The following FAM53A variants were observed in gnomAD, a reference collection of about 807,000 sequenced individuals.
FAM53A encodes the protein protein FAM53A.
FAM53A carries 28 observed loss-of-function variants against 26.6 expected under a neutral mutation model. The observed-to-expected ratio is 1.05, with a 90% CI of 0.78 to 1.45. The LOEUF (loss-of-function observed/expected upper bound fraction) is 1.45. FAM53A is among the 40% of genes most tolerant of loss of function. FAM53A has a pLI of 0.00. For synonymous variants in FAM53A, 290 were observed against 253.1 expected (o/e 1.15, Z -1.38); for missense variants, 650 against 575.8 (o/e 1.13, Z -1.32).
intron 1 of FAM53A, among the ~76,000 whole-genome samples, chr4:1,670,819 GAT>G (rs563706665): frequency 8.0e-4 from 122 of 152,280 alleles, no homozygotes; most frequent in African/African-American, 2.8e-3. Flanking sequence ...CACGCTGGTC[GAT>G]GTCAGCTGGG....
chr4:1,648,700 G>A (rs1395870138), intron 4 of FAM53A, among the ~76,000 whole-genome samples: 1 of 152,212 alleles, frequency 6.6e-6, no homozygotes, highest in Non-Finnish European at 1.5e-5. Context: ...GTATTACCTG[G>A]CCCCCACATG....
intron 4 of FAM53A, among the ~76,000 whole-genome samples, chr4:1,649,579 G>C (rs548097339): frequency 2.0e-4 from 31 of 152,366 alleles, no homozygotes; most frequent in African/African-American, 7.0e-4. Context: ...ATGCCCACTG[G>C]GGTCACTCAT....
chr4:1,623,162 C>T (rs1715124074), intron 1 of FAM53A, among the ~76,000 whole-genome samples: 1 of 152,192 alleles, frequency 6.6e-6, no homozygotes, highest in Non-Finnish European at 1.5e-5. Context: ...TCCAGCAGTC[C>T]ACGGCCAGGG....
At chr4:1,643,820 G>T (rs555660577) in intron 4 of FAM53A, among the ~76,000 whole-genome samples, 1 of 152,200 alleles carries the variant, frequency 6.6e-6, no homozygotes, top group African/African-American at 2.4e-5. Context: ...TCCCGCCTCA[G>T]CCTCCCAAAG....
the FAM53A span, among the ~76,000 whole-genome samples, chr4:1,611,315 G>T: frequency 6.6e-6 from 1 of 152,148 alleles, no homozygotes; most frequent in East Asian, 1.9e-4. Flanking sequence ...CTGGAGGGGG[G>T]CCCCCGCCAC....
the FAM53A span, among the ~76,000 whole-genome samples, chr4:1,581,888 C>A: frequency 2.6e-5 from 4 of 151,044 alleles, no homozygotes; most frequent in South Asian, 6.5e-4. Context: ...AGCCACCATG[C>A]CCAGCATTTT....
chr4:1,616,902 C>T (rs1405457969), downstream of FAM53A, among the ~76,000 whole-genome samples: 1 of 152,154 alleles, frequency 6.6e-6, no homozygotes, highest in Non-Finnish European at 1.5e-5. Context: ...TCTGGGAGGC[C>T]GAAGCAGGTG....
In FAM53A at chr4:1,679,586, T is replaced by A. The variant is rs569274055; in HGVS notation, c.-165+4647A>T. Among the ~76,000 whole-genome samples, 6 of 146,416 alleles carry A rather than the reference T, an allele frequency of 4.1e-5. No homozygotes were observed. The East Asian group carries it at 1.2e-3, about 29-fold the overall frequency. On this transcript the variant is annotated intron_variant, in intron 1 of 4. Transcript: ENST00000308132. The stretch of plus-strand genomic sequence containing the variant: ...CTGTAATCCCAGCTACTCGGGAGGC[T>A]GAGGCAGGAGAATCCCTTGAACCCA...
At chr4:1,618,231 C>T (rs1276829742) in intron 1 of FAM53A, 9 of 442,606 alleles carry the variant, frequency 2.0e-5, no homozygotes, top group Admixed American at 9.6e-5. Flanking sequence ...AGGCCCATCA[C>T]GGCAGGGGTG....
chr4:1,675,537 C>T (rs1292002092), intron 1 of FAM53A, among the ~76,000 whole-genome samples: 1 of 152,188 alleles, frequency 6.6e-6, no homozygotes, highest in East Asian at 1.9e-4. Context: ...CTTGTAACTG[C>T]ACCGTAAATC....
the FAM53A span, among the ~76,000 whole-genome samples, chr4:1,611,609 G>A: frequency 4.6e-5 from 7 of 152,358 alleles, no homozygotes; most frequent in East Asian, 7.7e-4. Flanking sequence ...AGGCCTGGGC[G>A]GGCAGCACCG....
chr4:1,606,957 C>T, the FAM53A span, among the ~76,000 whole-genome samples: 1 of 152,226 alleles, frequency 6.6e-6, no homozygotes, highest in Non-Finnish European at 1.5e-5. Context: ...ACGTTCCCAC[C>T]AACAGGGCAC....
chr4:1,640,424 A>T lies in FAM53A; in HGVS notation c.*869T>A, dbSNP rs1324933181. On this transcript the variant is annotated 3_prime_UTR_variant, in exon 5 of 5. Transcript: ENST00000308132. ...AACTAAAGCACACAAGGCGCCCTGCACAGCAGGCCTTTCGTGGGGAACACA... is the reference window on the plus strand; with the variant it reads ...AACTAAAGCACACAAGGCGCCCTGCTCAGCAGGCCTTTCGTGGGGAACACA... The T allele has an allele frequency of 7.0e-6, 2 of 284,052 alleles. No individual in the cohort carries two copies. Among genetic ancestry groups the T allele is most frequent in the African/African-American group, 4.7e-5 (2 of 42,314 alleles). The allele number at this position is 284,052 out of a possible 1,614,324, so 17.6% of individuals were successfully genotyped here. A position where few individuals can be genotyped will look rare whatever the true frequency, so the allele number is the denominator to read the frequency against.
the FAM53A span, among the ~76,000 whole-genome samples, chr4:1,599,584 A>C: frequency 6.6e-6 from 1 of 152,074 alleles, no homozygotes; most frequent in African/African-American, 2.4e-5. The surrounding 1 kb of genome is among the most constrained non-coding windows in gnomAD (Gnocchi z 6.1). Flanking sequence ...AAGGGTGGGG[A>C]CTGCCCTCAG....
intron 4 of FAM53A, chr4:1,644,052 G>T: frequency 1.7e-6 from 2 of 1,198,042 alleles, no homozygotes; most frequent in African/African-American, 3.1e-5. Flanking sequence ...GGAGGTCCGG[G>T]TCTCACCAGC....
chr4:1,676,708 G>C (rs990088296), intron 1 of FAM53A, among the ~76,000 whole-genome samples: 2 of 152,096 alleles, frequency 1.3e-5, no homozygotes, highest in African/African-American at 2.4e-5. Context: ...GCCGCAGCGC[G>C]CCCCTCTGAG....
chr4:1,674,579 G>A (rs1309480919), intron 1 of FAM53A, among the ~76,000 whole-genome samples: 1 of 151,646 alleles, frequency 6.6e-6, no homozygotes, highest in Admixed American at 6.6e-5. Flanking sequence ...TGAGGCAGGA[G>A]AATTGCTTGA....
At chr4:1,682,407 C>A (rs1164488841) in intron 1 of FAM53A, among the ~76,000 whole-genome samples, 2 of 151,768 alleles carry the variant, frequency 1.3e-5, no homozygotes, top group African/African-American at 2.4e-5. Context: ...GGATTACAGG[C>A]ACGCACCACC....
At chr4:1,619,306 G>A (rs565366397) in intron 1 of FAM53A, among the ~76,000 whole-genome samples, 5 of 152,328 alleles carry the variant, frequency 3.3e-5, no homozygotes, top group East Asian at 1.9e-4. Flanking sequence ...GAGAGGGAAC[G>A]GCACGCACTG....
Sources: allele counts gnomAD v4.1 joint callset (sites outside exome capture counted in the v4.1 genomes callset), GRCh38; gene constraint gnomAD v4.1.1; non-coding constraint Gnocchi (gnomAD v3.1); transcripts MANE v1.5; gene names NCBI Gene and HGNC (gene_info 2026-07-23, HGNC 2026-07-21).